CNTNAP2: variants seen among roughly 807,000 people sequenced by gnomAD.
CNTNAP2 encodes the protein contactin-associated protein-like 2.
CNTNAP2 carries 98 observed loss-of-function variants against 155.2 expected under a neutral mutation model. That is an observed-to-expected ratio of 0.63 (90% CI 0.54 to 0.75). CNTNAP2 has a LOEUF of 0.75. CNTNAP2 is among the 30% of genes least tolerant of loss of function. CNTNAP2 has a pLI of 0.00. For missense variants in CNTNAP2, 1,727 were observed against 1,688.1 expected (o/e 1.02, Z -0.40); for synonymous variants, 651 against 631.2 (o/e 1.03, Z -0.47).
chr7:147,860,191 A>G (rs13239204), intron 13 of CNTNAP2, among the ~76,000 whole-genome samples: 24,318 of 152,082 alleles, frequency 0.16, 2,076 homozygotes, highest in Admixed American at 0.21. Flanking sequence ...TTGGAAGGCC[A>G]AGGTGGGCAG....
intron 3 of CNTNAP2, among the ~76,000 whole-genome samples, chr7:146,942,323 A>G (rs1797073324): frequency 6.6e-6 from 1 of 152,098 alleles, no homozygotes; most frequent in Non-Finnish European, 1.5e-5. Context: ...AACTTTACTC[A>G]CTTACTCTCC....
intron 21 of CNTNAP2, among the ~76,000 whole-genome samples, chr7:148,362,941 A>G (rs1233295109): frequency 6.6e-6 from 1 of 151,838 alleles, no homozygotes; most frequent in Non-Finnish European, 1.5e-5. Flanking sequence ...CACTCTTTTC[A>G]TTTTCCCTAC....
At chr7:147,145,788 G>C (rs1427300796) in intron 8 of CNTNAP2, among the ~76,000 whole-genome samples, 1 of 152,056 alleles carries the variant, frequency 6.6e-6, no homozygotes, top group Non-Finnish European at 1.5e-5. Flanking sequence ...TTTCTTTGTG[G>C]AAATTTTGTA....
intron 14 of CNTNAP2, among the ~76,000 whole-genome samples, chr7:147,945,632 C>T (rs1800806563): frequency 6.6e-6 from 1 of 151,660 alleles, no homozygotes; most frequent in Non-Finnish European, 1.5e-5. Context: ...GCCTACAACA[C>T]CTCGAAGGGC....
At chr7:147,626,756 A>G (rs889957411) in intron 12 of CNTNAP2, among the ~76,000 whole-genome samples, 21 of 152,174 alleles carry the variant, frequency 1.4e-4, no homozygotes, top group Non-Finnish European at 2.4e-4. Context: ...CCCTGATCCC[A>G]GGAAGGAGAA....
intron 13 of CNTNAP2, among the ~76,000 whole-genome samples, chr7:147,695,947 A>G (rs925655102): frequency 7.9e-5 from 12 of 152,142 alleles, no homozygotes; most frequent in Admixed American, 6.5e-4. Context: ...TTTCCTGACA[A>G]ATTTTCTTGC....
chr7:147,339,808 A>G (rs1198197797), intron 9 of CNTNAP2, among the ~76,000 whole-genome samples: 1 of 152,146 alleles, frequency 6.6e-6, no homozygotes, highest in Non-Finnish European at 1.5e-5. Flanking sequence ...CATATCCTCA[A>G]AATAAATTTG....
intron 1 of CNTNAP2, among the ~76,000 whole-genome samples, chr7:146,127,588 A>G (rs1797654906): frequency 6.6e-6 from 1 of 152,078 alleles, no homozygotes; most frequent in Non-Finnish European, 1.5e-5. Context: ...CCCTTTTTCT[A>G]CCGGATTTTA....
At chr7:147,735,245 G>C (rs1796820827) in intron 13 of CNTNAP2, among the ~76,000 whole-genome samples, 1 of 152,166 alleles carries the variant, frequency 6.6e-6, no homozygotes, top group Non-Finnish European at 1.5e-5. Context: ...TGGTTTCAAA[G>C]AACATCTTTA....
chr7:146,588,312 T>G (rs549836447), intron 1 of CNTNAP2, among the ~76,000 whole-genome samples: 2 of 152,262 alleles, frequency 1.3e-5, no homozygotes, highest in South Asian at 4.1e-4. Context: ...GAGCAGCACT[T>G]CTTCTTTAGT....
chr7:148,143,063 T>A (rs1481397151), intron 16 of CNTNAP2, among the ~76,000 whole-genome samples: 1 of 152,218 alleles, frequency 6.6e-6, no homozygotes, highest in Non-Finnish European at 1.5e-5. Flanking sequence ...GTATCTAAAA[T>A]TACCATTAAG....
intron 8 of CNTNAP2, among the ~76,000 whole-genome samples, chr7:147,184,074 A>G (rs151303933): frequency 1.0e-3 from 153 of 152,326 alleles, no homozygotes; most frequent in African/African-American, 3.4e-3. Context: ...TATTAGAAGA[A>G]AGAGTGACTA....
intron 1 of CNTNAP2, among the ~76,000 whole-genome samples, chr7:146,645,058 T>A (rs186943): frequency 3.9e-5 from 6 of 152,122 alleles, no homozygotes; most frequent in African/African-American, 7.2e-5. Context: ...GAAATTTTTT[T>A]AAAAAGAAAT....
chr7:148,132,807 T>TC (rs1804860316), intron 16 of CNTNAP2, among the ~76,000 whole-genome samples: 1 of 152,228 alleles, frequency 6.6e-6, no homozygotes, highest in Admixed American at 6.5e-5. Flanking sequence ...ATCTCCAACA[T>TC]TCATAGGAGC....
intron 12 of CNTNAP2, among the ~76,000 whole-genome samples, chr7:147,567,730 G>C (rs4726887): frequency 1.3e-5 from 2 of 152,216 alleles, no homozygotes; most frequent in Admixed American, 1.3e-4. Context: ...AATTCAACCA[G>C]GTAAAGTTGT....
rs1000760219 is a variant in CNTNAP2, at chr7:147,322,063, A to C, written c.1498+21773A>C. Among the ~76,000 whole-genome samples, 8 of 152,314 alleles carry C rather than the reference A, an allele frequency of 5.3e-5. No individual in the cohort carries two copies. The South Asian group carries it at 1.7e-3, about 32-fold the overall frequency. On this transcript the variant is annotated intron_variant, in intron 9 of 23. Transcript: ENST00000361727. Reference sequence around the variant, plus strand: ...ATATTTCTGCTTTATATTTAGTACAAGCAAATATCCCAAATGGCAATTTGA... The same window carrying C: ...ATATTTCTGCTTTATATTTAGTACACGCAAATATCCCAAATGGCAATTTGA...
chr7:147,526,829 C>T (rs546481027), intron 11 of CNTNAP2, among the ~76,000 whole-genome samples: 3 of 152,134 alleles, frequency 2.0e-5, no homozygotes, highest in Non-Finnish European at 2.9e-5. Flanking sequence ...AGAAGAAAGA[C>T]GTTTCCAAAT....
intron 9 of CNTNAP2, among the ~76,000 whole-genome samples, chr7:147,336,630 G>T (rs56220846): frequency 0.02 from 3,008 of 152,178 alleles, 102 homozygotes; most frequent in African/African-American, 0.069. Flanking sequence ...AAGGTTTGGG[G>T]AGATGAAATC....
At chr7:147,437,138 A>T (rs1361826192) in intron 10 of CNTNAP2, among the ~76,000 whole-genome samples, 6 of 152,050 alleles carry the variant, frequency 3.9e-5, no homozygotes. Flanking sequence ...TGGCCTGGAC[A>T]CACTTGGAAA....
Sources: gnomAD v4.1 joint callset for allele counts (sites outside exome capture counted in the v4.1 genomes callset) on GRCh38, gnomAD v4.1.1 for gene constraint, MANE v1.5 for transcripts, NCBI Gene and HGNC (gene_info 2026-07-23, HGNC 2026-07-21) for gene names.